The following LRRK2 variants were observed in gnomAD, a reference collection of about 807,000 sequenced individuals.
LRRK2 encodes the protein leucine rich repeat kinase 2.
In LRRK2, 203 loss-of-function variants were observed where a neutral mutation model predicts 302.6. The ratio of observed to expected loss-of-function variants is 0.67; its 90% CI spans 0.60 to 0.75. The LOEUF is 0.75. LRRK2 is among the 30% of genes least tolerant of loss of function. The probability of loss-of-function intolerance (pLI) is 0.00; values close to 1 mark genes in which losing one functional copy is unlikely to be tolerated. For missense variants in LRRK2, 2,830 were observed against 2,951.0 expected, an observed-to-expected ratio of 0.96 and a Z score of 0.95; for synonymous variants, 1,066 against 1,031.9, an observed-to-expected ratio of 1.03 and a Z score of -0.63.
At position 40,298,434 on chromosome 12, in the gene LRRK2, T is replaced by A; in HGVS notation, c.3288T>A (p.Ser1096=). ...KQFNLSYNQL[S]FVPENLTDVV... The stretch of plus-strand genomic sequence containing the variant: ...TTAACCTGTCATATAACCAGCTGTC[T>A]TTTGTACCTGAGAACCTCACTGATG... The change falls in exon 24 of 51, where the codon TCT becomes TCA. Residue 1096 remains serine, a synonymous_variant. Transcript: ENST00000298910. The A allele has an allele frequency of 6.2e-7, 1 of 1,613,986 alleles. No homozygotes were observed. The highest frequency in any genetic ancestry group is 1.7e-5 in the Admixed American group (1 of 60,002).
chr12:40,248,321 A>G (rs1350903990), intron 7 of LRRK2, among the ~76,000 whole-genome samples: 1 of 152,176 alleles, frequency 6.6e-6, no homozygotes. Flanking sequence ...TGACTGCCAA[A>G]TTGTCTAGAA....
intron 7 of LRRK2, among the ~76,000 whole-genome samples, chr12:40,249,413 A>G (rs1942155932): frequency 6.6e-6 from 1 of 152,094 alleles, no homozygotes; most frequent in African/African-American, 2.4e-5. Flanking sequence ...AAGTGAAAGA[A>G]GAGTGTTTCA....
chr12:40,319,243 A>C (rs1945325408), intron 33 of LRRK2, among the ~76,000 whole-genome samples: 1 of 152,102 alleles, frequency 6.6e-6, no homozygotes. Flanking sequence ...AATCTAAGAC[A>C]GTCACTTTTA....
At chr12:40,365,988 T>C (rs985623051) in intron 49 of LRRK2, 1 of 151,988 alleles carries the variant, frequency 6.6e-6, no homozygotes, top group Non-Finnish European at 1.5e-5. Flanking sequence ...TCTAGTTGAA[T>C]TGTATGTACT....
chr12:40,233,822 C>A (rs1230347439), intron 3 of LRRK2, among the ~76,000 whole-genome samples: 1 of 152,188 alleles, frequency 6.6e-6, no homozygotes. Context: ...ATTTCATTCA[C>A]TCACTCACTT....
rs187272238 is a variant in LRRK2 at position 40,253,155 on chromosome 12, T to C, written c.1288+139T>C. The C allele has an allele frequency of 1.4e-4, 85 of 610,692 alleles. No homozygotes were observed. The East Asian group carries it at 2.3e-3, about 17-fold the overall frequency. The allele number at this position is 610,692 out of a possible 1,614,324, so 37.8% of individuals were successfully genotyped here. On this transcript the variant is annotated intron_variant, in intron 11 of 50. Coordinates refer to ENST00000298910, the MANE Select transcript of LRRK2 (RefSeq NM_198578.4). Reference sequence around the variant, plus strand: ...AAAGATATCTCTATGTGTAGAGATGTATTGACATATGGATTATGAATATAT... The same window carrying C: ...AAAGATATCTCTATGTGTAGAGATGCATTGACATATGGATTATGAATATAT...
chr12:40,354,978 T>A (rs1946481503), intron 45 of LRRK2, among the ~76,000 whole-genome samples: 1 of 152,314 alleles, frequency 6.6e-6, no homozygotes, highest in East Asian at 1.9e-4. Context: ...TTAGCTCTTA[T>A]CAATTGCAGG....
intron 40 of LRRK2, among the ~76,000 whole-genome samples, chr12:40,339,532 G>A (rs778781244): frequency 2.6e-5 from 4 of 152,046 alleles, no homozygotes; most frequent in Non-Finnish European, 4.4e-5. Flanking sequence ...CTAGTTGCTC[G>A]TGATTGCGTG....
At chr12:40,292,576 C>A (rs372275648) in intron 20 of LRRK2, among the ~76,000 whole-genome samples, 16 of 151,244 alleles carry the variant, frequency 1.1e-4, no homozygotes, top group African/African-American at 3.6e-4. Flanking sequence ...TATTAAAATT[C>A]TTAAGCATTA....
intron 46 of LRRK2, among the ~76,000 whole-genome samples, chr12:40,357,018 A>G (rs7306684): frequency 0.76 from 116,165 of 151,996 alleles, 45,323 homozygotes; most frequent in Non-Finnish European, 0.86. Context: ...TGAACATTAG[A>G]ACTTATTCCT....
rs561253714 is a variant in LRRK2, at chr12:40,306,684, G to T, written c.3959+718G>T. Among the ~76,000 whole-genome samples the T allele has an allele frequency of 3.9e-5, 6 of 152,306 alleles. No individual in the cohort carries two copies. The South Asian group carries it at 1.2e-3, about 32-fold the overall frequency. ...ATCCACCAAGGCAGAGACCATGGCT[G>T]TGTTCACTCACTATTCAAATCTTGG... is the stretch of plus-strand genomic sequence containing the variant. On this transcript the variant is annotated intron_variant, in intron 28 of 50. Transcript: ENST00000298910.
intron 32 of LRRK2, 46 bp downstream of exon 32, chr12:40,314,219 T>G: frequency 5.8e-6 from 9 of 1,546,980 alleles, no homozygotes; most frequent in Non-Finnish European, 8.0e-6. Context: ...CTGTAGTAAC[T>G]TATAAAAGTG....
chr12:40,318,908 T>A (rs1385599507), intron 33 of LRRK2, among the ~76,000 whole-genome samples: 1 of 152,096 alleles, frequency 6.6e-6, no homozygotes, highest in Non-Finnish European at 1.5e-5. Flanking sequence ...TGTCATTAAA[T>A]ACCAATATGT....
At chr12:40,300,910 G>A (rs1392707274) in intron 25 of LRRK2, 1 of 471,132 alleles carries the variant, frequency 2.1e-6, no homozygotes, top group South Asian at 1.5e-5. Flanking sequence ...GGTCTGGAAA[G>A]AGGAGCATCC....
At chr12:40,353,795 A>G (rs2137004029) in intron 44 of LRRK2, among the ~76,000 whole-genome samples, 1 of 152,380 alleles carries the variant, frequency 6.6e-6, no homozygotes, top group Non-Finnish European at 1.5e-5. Context: ...CAGCCCGGCC[A>G]ACACAGCGAA....
chr12:40,328,766 T>A (rs1291889018), intron 39 of LRRK2, among the ~76,000 whole-genome samples: 1 of 152,158 alleles, frequency 6.6e-6, no homozygotes, highest in Non-Finnish European at 1.5e-5. Flanking sequence ...ATGTGCTCCA[T>A]GGACAAGCAG....
At chr12:40,301,748 G>C (rs181762933) in intron 25 of LRRK2, among the ~76,000 whole-genome samples, 1 of 151,918 alleles carries the variant, frequency 6.6e-6, no homozygotes, top group East Asian at 1.9e-4. Flanking sequence ...GATCTCTCAA[G>C]TGTCTTAGTG....
rs1386305492 is a variant in LRRK2 at position 40,314,166 on chromosome 12, T to C, written c.4731T>C (p.Asn1577=). 1.2e-6 allele frequency: 2 copies of C among 1,612,216 alleles called. No individual in the cohort carries two copies. Among genetic ancestry groups the C allele is most frequent in the African/African-American group, 1.3e-5 (1 of 74,942 alleles). The change falls in exon 32 of 51, where the codon AAT becomes AAC. Residue 1577 remains asparagine, a synonymous_variant. Transcript: ENST00000298910. The part of the protein sequence containing the change: ...NELPHAVHFL[N]ESGVLLHFQD... ...TTCCTCACGCAGTTCACTTTCTAAA[T>C]GAATCAGGTTTGTGTTTTTCGTTCC...
chr12:40,310,590 G>GA lies in LRRK2; in HGVS notation c.4479dup (p.Ser1494IlefsTer2). ...TTACCACTTTGTGAATGCCACCGAGGAATCTGATGCTTTGGCAAAACTTCG... is the reference window on the plus strand; with the variant it reads ...TTACCACTTTGTGAATGCCACCGAGGAAATCTGATGCTTTGGCAAAACTTCG... On this transcript the variant is annotated frameshift_variant, in exon 31 of 51. Coordinates refer to ENST00000298910, the MANE Select transcript of LRRK2 (RefSeq NM_198578.4). LOFTEE classifies it high-confidence loss of function. The GA allele has an allele frequency of 6.2e-7, 1 of 1,612,438 alleles. No individual in the cohort carries two copies. The highest frequency in any genetic ancestry group is 8.5e-7 in the Non-Finnish European group (1 of 1,179,676).
Sources: allele counts gnomAD v4.1 joint callset (sites outside exome capture counted in the v4.1 genomes callset), GRCh38; gene constraint gnomAD v4.1.1; transcripts MANE v1.5; gene names NCBI Gene and HGNC (gene_info 2026-07-23, HGNC 2026-07-21).